The following TRABD2B variants were observed in gnomAD, a reference collection of about 807,000 sequenced individuals.
TRABD2B encodes metalloprotease TIKI2.
A neutral mutation model predicts 40.1 loss-of-function variants in TRABD2B; 14 were observed. That is an observed-to-expected ratio of 0.35 (90% CI 0.23 to 0.55). The LOEUF is 0.55. Among genes scored for constraint, TRABD2B ranks in the 20% least tolerant of loss-of-function variants. The probability of loss-of-function intolerance (pLI) is 0.90; values close to 1 mark genes in which losing one functional copy is unlikely to be tolerated. For synonymous variants in TRABD2B, 263 were observed against 277.0 expected, an observed-to-expected ratio of 0.95 and a Z score of 0.50; for missense variants, 541 against 648.6, an observed-to-expected ratio of 0.83 and a Z score of 1.80.
rs997553597 is a variant in TRABD2B, at chr1:47,762,682, C to G, written c.*3220G>C. ...GTTCCATGCTTCCTAGATCCCAGAT[C>G]TTTGACTCTCAGGACTGGAGGCATC... On this transcript the variant is annotated 3_prime_UTR_variant, in exon 7 of 7. Transcript: ENST00000606738. 3.9e-5 allele frequency: 6 copies of G among 152,206 alleles called. No homozygotes were observed. Among genetic ancestry groups the G allele is most frequent in the Non-Finnish European group, 7.3e-5 (5 of 68,038 alleles). 9.4% of individuals were successfully genotyped at this position (152,206 alleles called of 1,614,324 possible). A position where few individuals can be genotyped will look rare whatever the true frequency, so the allele number is the denominator to read the frequency against.
chr1:47,832,008 C>T (rs772987981), intron 2 of TRABD2B, among the ~76,000 whole-genome samples: 7 of 152,190 alleles, frequency 4.6e-5, no homozygotes, highest in Non-Finnish European at 1.0e-4. Context: ...TGGTGTCTGC[C>T]TGTCCTGGAG....
At chr1:47,784,448 G>A (rs967219941) in intron 4 of TRABD2B, among the ~76,000 whole-genome samples, 12 of 152,168 alleles carry the variant, frequency 7.9e-5, no homozygotes, top group Non-Finnish European at 1.6e-4. Context: ...AGAACCAGAT[G>A]TTCCCACAAA....
At chr1:47,965,096 T>C (rs1396830594) in intron 2 of TRABD2B, among the ~76,000 whole-genome samples, 3 of 150,612 alleles carry the variant, frequency 2.0e-5, no homozygotes, top group Non-Finnish European at 3.0e-5. Context: ...TGATTTTTCT[T>C]CCAGGACTTG....
At chr1:47,785,582 G>T (rs1644584696) in intron 4 of TRABD2B, among the ~76,000 whole-genome samples, 1 of 152,240 alleles carries the variant, frequency 6.6e-6, no homozygotes, top group African/African-American at 2.4e-5. Context: ...AACAGAACTT[G>T]CCCTGTGTCA....
At chr1:47,935,854 G>A (rs1329544648) in intron 2 of TRABD2B, among the ~76,000 whole-genome samples, 1 of 152,220 alleles carries the variant, frequency 6.6e-6, no homozygotes, top group Non-Finnish European at 1.5e-5. Context: ...TTAGGATGCA[G>A]GAAATAAAGC....
intron 2 of TRABD2B, among the ~76,000 whole-genome samples, chr1:47,912,596 T>C (rs902353230): frequency 2.6e-5 from 4 of 152,162 alleles, no homozygotes; most frequent in Non-Finnish European, 4.4e-5. Flanking sequence ...GGAAAAACAA[T>C]TTGTAACAAC....
rs939102664 is a variant in TRABD2B at position 47,994,616 on chromosome 1, G to A, written c.103-19C>T. On this transcript the variant is annotated intron_variant, in intron 1 of 6. Transcript: ENST00000606738. This position sits in a 1 kb window ranked among gnomAD's most constrained non-coding sequence, Gnocchi z 6.7. ...CCCTCTGCTGCAGGAGTAGAGAAGA[G>A]GCAAGGCAGTGAGGCCGAAGGCAAC... 3 of 1,526,678 alleles carry A rather than the reference G, an allele frequency of 2.0e-6. No individual in the cohort carries two copies. The African/African-American group carries it at 4.1e-5, about 21-fold the overall frequency. 94.6% of individuals were successfully genotyped at this position (1,526,678 alleles called of 1,614,324 possible).
At chr1:47,833,011 C>G (rs1645271009) in intron 2 of TRABD2B, among the ~76,000 whole-genome samples, 2 of 152,186 alleles carry the variant, frequency 1.3e-5, no homozygotes, top group South Asian at 4.1e-4. Flanking sequence ...CATAGAAATT[C>G]AGACCATATA....
At chr1:47,893,419 T>C (rs1644476791) in intron 2 of TRABD2B, among the ~76,000 whole-genome samples, 1 of 152,130 alleles carries the variant, frequency 6.6e-6, no homozygotes. Flanking sequence ...CCTCACTCCA[T>C]CACATACCAT....
chr1:47,947,739 G>A (rs1645279765), intron 2 of TRABD2B, among the ~76,000 whole-genome samples: 1 of 152,204 alleles, frequency 6.6e-6, no homozygotes, highest in Non-Finnish European at 1.5e-5. Context: ...GCTGAGCAGA[G>A]CTGACATGCA....
At chr1:47,897,812 T>G (rs1644544832) in intron 2 of TRABD2B, among the ~76,000 whole-genome samples, 1 of 152,178 alleles carries the variant, frequency 6.6e-6, no homozygotes, top group Admixed American at 6.5e-5. Context: ...TCTCTGAGCT[T>G]CTGTATTCTT....
chr1:47,836,911 T>C (rs1301115840), intron 2 of TRABD2B, among the ~76,000 whole-genome samples: 1 of 152,170 alleles, frequency 6.6e-6, no homozygotes, highest in Non-Finnish European at 1.5e-5. Flanking sequence ...TCCAGGACTG[T>C]GAGAAATAAA....
Position 47,934,798 on chromosome 1 carries a change from C to A in TRABD2B, c.666+59236G>T, listed in dbSNP as rs141168081. On this transcript the variant is annotated intron_variant, in intron 2 of 6. Coordinates refer to ENST00000606738, the MANE Select transcript of TRABD2B (RefSeq NM_001194986.2). ...AGAGTGGAGATGTAACAGGAGGCAT[C>A]TGGTGACCTGGAATTCCCATCAGAG... is the stretch of plus-strand genomic sequence containing the variant. Among the ~76,000 whole-genome samples the A allele has an allele frequency of 1.1e-3, 165 of 152,288 alleles. 1 individual carries two copies. In the East Asian group the frequency reaches 0.021, roughly 19 times the overall value.
chr1:47,928,775 C>T (rs907281990), intron 2 of TRABD2B, among the ~76,000 whole-genome samples: 1 of 152,220 alleles, frequency 6.6e-6, no homozygotes. Context: ...TGAAGGGTCC[C>T]TCAGGCCCTC....
chr1:47,850,425 C>T (rs1046099316), intron 2 of TRABD2B, among the ~76,000 whole-genome samples: 128 of 152,322 alleles, frequency 8.4e-4, no homozygotes, highest in Non-Finnish European at 1.7e-3. Context: ...CAAAATAATC[C>T]GAAAGGCCTC....
rs553785450 is a variant in TRABD2B, at chr1:47,991,622, G to GA, written c.666+2411dup. 6.2e-4 allele frequency among the ~76,000 whole-genome samples: 94 copies of GA among 151,978 alleles called. 3 individuals are homozygous for GA. In the South Asian group the frequency reaches 0.019, roughly 31 times the overall value. On this transcript the variant is annotated intron_variant, in intron 2 of 6. Coordinates refer to ENST00000606738, the MANE Select transcript of TRABD2B (RefSeq NM_001194986.2). ...GCAAAATTATGGTTATTTCTGTCCAGAAAAAAATACAAAAATTTTAAAAAC... is the reference window on the plus strand; with the variant it reads ...GCAAAATTATGGTTATTTCTGTCCAGAAAAAAAATACAAAAATTTTAAAAAC...
chr1:47,833,805 T>C (rs1645281199), intron 2 of TRABD2B, among the ~76,000 whole-genome samples: 1 of 152,366 alleles, frequency 6.6e-6, no homozygotes, highest in Non-Finnish European at 1.5e-5. Flanking sequence ...TTTGGTGGAC[T>C]AAGGACCTCT....
At chr1:47,829,095 AC>A (rs1461390934) in intron 2 of TRABD2B, among the ~76,000 whole-genome samples, 4 of 152,128 alleles carry the variant, frequency 2.6e-5, no homozygotes, top group Admixed American at 6.5e-5. Flanking sequence ...GGCCCCAGGG[AC>A]CCCAGAGAGG....
chr1:47,905,961 C>T (rs1244617575), intron 2 of TRABD2B, among the ~76,000 whole-genome samples: 1 of 152,194 alleles, frequency 6.6e-6, no homozygotes, highest in Non-Finnish European at 1.5e-5. Flanking sequence ...AACCCCAGCA[C>T]TCCACATTAC....
Sources: allele counts gnomAD v4.1 joint callset (sites outside exome capture counted in the v4.1 genomes callset), GRCh38; gene constraint gnomAD v4.1.1; non-coding constraint Gnocchi (gnomAD v3.1); transcripts MANE v1.5; gene names NCBI Gene and HGNC (gene_info 2026-07-23, HGNC 2026-07-21).